Variants in LRP1B observed in about 807,000 individuals in gnomAD.
The protein encoded by LRP1B is low-density lipoprotein receptor-related protein 1B.
LRP1B carries 217 observed loss-of-function variants against 556.6 expected under a neutral mutation model. The ratio of observed to expected loss-of-function variants is 0.39; its 90% CI spans 0.35 to 0.44. The LOEUF (loss-of-function observed/expected upper bound fraction) is 0.44. Ranked by LOEUF, LRP1B falls within the 20% of genes least tolerant of loss-of-function variation. The pLI is 1.00. For missense variants in LRP1B, 5,053 were observed against 5,620.8 expected, an observed-to-expected ratio of 0.90 and a Z score of 3.23; for synonymous variants, 2,047 against 1,865.8, an observed-to-expected ratio of 1.10 and a Z score of -2.50.
chr2:141,916,619 T>A (rs1700042310), intron 1 of LRP1B, among the ~76,000 whole-genome samples: 1 of 151,052 alleles, frequency 6.6e-6, no homozygotes, highest in African/African-American at 2.4e-5. Flanking sequence ...CCTGACCTCG[T>A]GATCCGCCCT....
chr2:141,688,423 T>C (rs10202626), intron 2 of LRP1B, among the ~76,000 whole-genome samples: 50,899 of 151,676 alleles, frequency 0.34, 9,034 homozygotes, highest in East Asian at 0.58. Context: ...ATTATTAATA[T>C]CACATATTTT....
chr2:140,416,089 T>C (rs1161507205), intron 66 of LRP1B, among the ~76,000 whole-genome samples: 1 of 152,172 alleles, frequency 6.6e-6, no homozygotes, highest in Non-Finnish European at 1.5e-5. Flanking sequence ...GCAGGCGAGC[T>C]AGCCAAGCTT....
intron 2 of LRP1B, among the ~76,000 whole-genome samples, chr2:141,710,138 A>T (rs537440050): frequency 6.6e-6 from 1 of 152,304 alleles, no homozygotes; most frequent in South Asian, 2.1e-4. Flanking sequence ...GTACACATTT[A>T]GTCTATAGCA....
rs572548539 is a variant in LRP1B, at chr2:141,151,644, A to G, written c.1013+36777T>C. ...TTCAGTTCTGTGATTCAATCACTCA[A>G]TAACAACAAATTATAATCCTGCATA... On this transcript the variant is annotated intron_variant, in intron 7 of 90. Coordinates refer to ENST00000389484, the MANE Select transcript of LRP1B (RefSeq NM_018557.3). 3.3e-5 allele frequency among the ~76,000 whole-genome samples: 5 copies of G among 152,266 alleles called. No homozygotes were observed. In the South Asian group the frequency reaches 1.0e-3, roughly 32 times the overall value.
intron 71 of LRP1B, among the ~76,000 whole-genome samples, chr2:140,368,095 A>C (rs1365620100): frequency 2.0e-5 from 3 of 151,836 alleles, no homozygotes; most frequent in African/African-American, 7.2e-5. Flanking sequence ...TCATGGGGCT[A>C]CTGTGACATC....
chr2:140,630,769 C>G (rs1185816376), intron 41 of LRP1B, among the ~76,000 whole-genome samples: 1 of 152,160 alleles, frequency 6.6e-6, no homozygotes, highest in African/African-American at 2.4e-5. Flanking sequence ...CAGCAAATAA[C>G]TTTACTAGAG....
chr2:140,867,357 G>A (rs564737901), intron 27 of LRP1B, among the ~76,000 whole-genome samples: 49 of 150,574 alleles, frequency 3.3e-4, no homozygotes, highest in Admixed American at 1.5e-3. Context: ...AATATACAGG[G>A]GCATCTTAGG....
chr2:141,759,037 A>G (rs1021312413), intron 2 of LRP1B, among the ~76,000 whole-genome samples: 1 of 152,074 alleles, frequency 6.6e-6, no homozygotes, highest in African/African-American at 2.4e-5. Flanking sequence ...AGGCTTTGGG[A>G]AAAAAATGCA....
At chr2:140,322,916 AAGAACTGGAGGAT>A (rs1040514911) in intron 81 of LRP1B, among the ~76,000 whole-genome samples, 18 of 146,540 alleles carry the variant, frequency 1.2e-4, no homozygotes, top group Admixed American at 9.5e-4. Flanking sequence ...GAATATAAAA[AAGAACTGGAGGAT>A]GAGAGAAACT....
chr2:141,961,786 C>G (rs1267452812), intron 1 of LRP1B, among the ~76,000 whole-genome samples: 3 of 151,538 alleles, frequency 2.0e-5, no homozygotes, highest in Non-Finnish European at 3.0e-5. Context: ...AAATTTAGAT[C>G]TCTGTTGTCA....
At chr2:141,294,876 ATTAT>A (rs1166932087) in intron 3 of LRP1B, among the ~76,000 whole-genome samples, 1 of 152,054 alleles carries the variant, frequency 6.6e-6, no homozygotes, top group Non-Finnish European at 1.5e-5. Flanking sequence ...TCTCAATGAG[ATTAT>A]TTAATTTTAA....
chr2:141,898,590 A>G (rs1699526451), intron 1 of LRP1B, among the ~76,000 whole-genome samples: 2 of 152,296 alleles, frequency 1.3e-5, no homozygotes, highest in African/African-American at 2.4e-5. Context: ...TAGATGATGT[A>G]TTCTTCACAT....
chr2:141,103,443 A>G (rs1459836647), intron 7 of LRP1B, among the ~76,000 whole-genome samples: 1 of 151,716 alleles, frequency 6.6e-6, no homozygotes, highest in African/African-American at 2.4e-5. Context: ...AACAGAATTC[A>G]ATCTTGGCTT....
chr2:141,505,313 A>G (rs528711483), intron 2 of LRP1B, among the ~76,000 whole-genome samples: 1 of 152,142 alleles, frequency 6.6e-6, no homozygotes, highest in South Asian at 2.1e-4. Flanking sequence ...TTTTGTTGCA[A>G]CTCGGATATC....
intron 1 of LRP1B, among the ~76,000 whole-genome samples, chr2:142,121,514 C>T (rs1707455654): frequency 1.3e-5 from 2 of 152,138 alleles, no homozygotes; most frequent in Non-Finnish European, 2.9e-5. Flanking sequence ...AACTTCCTCT[C>T]AAGGGTTGCA....
rs147937950 is a variant in LRP1B, at chr2:140,373,204, C to T, written c.10639-67G>A. Reference sequence around the variant, plus strand: ...GAAACACTTCTACACACTCAAAAGACAAGAAAACTTATGTACAGAAAACCT... The same window carrying T: ...GAAACACTTCTACACACTCAAAAGATAAGAAAACTTATGTACAGAAAACCT... On this transcript the variant is annotated intron_variant, in intron 68 of 90. Transcript: ENST00000389484. 1,002 of 1,391,472 alleles carry T rather than the reference C, an allele frequency of 7.2e-4. 7 individuals carry two copies. The African/African-American group carries it at 0.013, about 18-fold the overall frequency. 86.2% of individuals were successfully genotyped at this position (1,391,472 alleles called of 1,614,324 possible).
At chr2:141,108,639 C>T (rs781735851) in intron 7 of LRP1B, among the ~76,000 whole-genome samples, 3 of 151,840 alleles carry the variant, frequency 2.0e-5, no homozygotes, top group Non-Finnish European at 4.4e-5. Flanking sequence ...TATGAGCCAC[C>T]GTGCCCGGCC....
intron 16 of LRP1B, among the ~76,000 whole-genome samples, chr2:140,989,993 G>A (rs1208500144): frequency 2.0e-5 from 3 of 151,942 alleles, no homozygotes; most frequent in East Asian, 1.9e-4. Flanking sequence ...ATCACCTGGG[G>A]TCAGGAGTTT....
chr2:140,764,487 CCTT>C (rs373602840), intron 35 of LRP1B, among the ~76,000 whole-genome samples: 54 of 152,160 alleles, frequency 3.5e-4, no homozygotes, highest in African/African-American at 1.3e-3. Flanking sequence ...ATCAAATACT[CCTT>C]CTAGTTCTAT....
Sources: gnomAD v4.1 joint callset for allele counts (sites outside exome capture counted in the v4.1 genomes callset) on GRCh38, gnomAD v4.1.1 for gene constraint, MANE v1.5 for transcripts, NCBI Gene and HGNC (gene_info 2026-07-23, HGNC 2026-07-21) for gene names.